Variants in TMEM53 observed in about 807,000 individuals in gnomAD.
The protein encoded by TMEM53 is transmembrane protein 53.
In TMEM53, 14 loss-of-function variants were observed where a neutral mutation model predicts 21.4. That is an observed-to-expected ratio of 0.65 (90% CI 0.43 to 1.02). The LOEUF (loss-of-function observed/expected upper bound fraction) is 1.02. Among genes scored for constraint, TMEM53 ranks in the 50% least tolerant of loss-of-function variants. TMEM53 has a pLI of 0.00. For synonymous variants in TMEM53, 148 were observed against 157.4 expected (o/e 0.94, Z 0.45); for missense variants, 323 against 383.6 (o/e 0.84, Z 1.32).
chr1:44,661,226 G>C (rs1644899277), intron 1 of TMEM53, among the ~76,000 whole-genome samples: 1 of 152,038 alleles, frequency 6.6e-6, no homozygotes, highest in South Asian at 2.1e-4. Flanking sequence ...TCCATGAGCA[G>C]ATGGAAGAAG....
In TMEM53 at chr1:44,663,593, T is replaced by A. The variant is rs1049218803; in HGVS notation, c.62-3298A>T. On this transcript the variant is annotated intron_variant, in intron 1 of 2. Transcript: ENST00000372237. ...CATTGCCACATCAGGATCATGATTC[T>A]TCCACCCTCTTGTACAAACTCCTCC... Among the ~76,000 whole-genome samples, 6 of 152,178 alleles carry A rather than the reference T, an allele frequency of 3.9e-5. No individual in the cohort carries two copies. The South Asian group carries it at 1.2e-3, about 31-fold the overall frequency.
Position 44,655,298 on chromosome 1 carries a change from G to C in TMEM53, c.184-89C>G. The C allele has an allele frequency of 7.5e-7, 1 of 1,328,648 alleles. No homozygotes were observed. The highest frequency in any genetic ancestry group is 1.0e-6 in the Non-Finnish European group (1 of 978,876). The allele number at this position is 1,328,648 out of a possible 1,614,324, so 82.3% of individuals were successfully genotyped here. ...CAGAGGGGCCCAGCAACCCCAGCCTGTAGGACATAGGCCATGGGGCCCACA... is the reference window on the plus strand; with the variant it reads ...CAGAGGGGCCCAGCAACCCCAGCCTCTAGGACATAGGCCATGGGGCCCACA... On this transcript the variant is annotated intron_variant, in intron 2 of 2. Transcript: ENST00000372237. This position sits in a 1 kb window ranked among gnomAD's most constrained non-coding sequence, Gnocchi z 4.4.
intron 2 of TMEM53, among the ~76,000 whole-genome samples, chr1:44,656,951 G>A (rs1644855392): frequency 6.6e-6 from 1 of 151,992 alleles, no homozygotes. Flanking sequence ...GGCAGAGGTT[G>A]CAGTGAGCCG....
At chr1:44,664,943 C>T (rs954882328) in intron 1 of TMEM53, among the ~76,000 whole-genome samples, 11 of 152,184 alleles carry the variant, frequency 7.2e-5, no homozygotes, top group Non-Finnish European at 1.5e-4. Flanking sequence ...TCCACCACCG[C>T]GACCTTGCAC....
In TMEM53 at chr1:44,660,257, G is replaced by A. The variant is rs142353018; in HGVS notation, c.100C>T (p.Arg34Trp). Residue 34 changes from arginine to tryptophan, a missense_variant, in exon 2 of 3, where the codon CGG becomes TGG. Arg to Trp is a moderately radical substitution (Grantham distance 101). This residue lies in a region of TMEM53 where 5 missense variants were observed against 16.2 expected (regional missense o/e 0.31). Coordinates refer to ENST00000372237, the MANE Select transcript of TMEM53 (RefSeq NM_024587.4). ...PSPGGKEAET[R>W]QPVVILLGWG... ...CCCAAGAGAATCACCACAGGCTGCC[G>A]AGTTTCTGCCTCCTTCCCACCTGGG... 55 of 1,613,896 alleles carry A rather than the reference G, an allele frequency of 3.4e-5. No individual in the cohort carries two copies. Among genetic ancestry groups the A allele is most frequent in the African/African-American group, 1.1e-4 (8 of 74,926 alleles).
intron 1 of TMEM53, among the ~76,000 whole-genome samples, chr1:44,663,549 T>C (rs1316396759): frequency 6.6e-6 from 1 of 152,256 alleles, no homozygotes; most frequent in Non-Finnish European, 1.5e-5. Context: ...CAAAAGTCAT[T>C]GCTATGGCTA....
Position 44,660,883 on chromosome 1 carries a change from G to A in TMEM53, c.62-588C>T, listed in dbSNP as rs554275095. Reference sequence around the variant, plus strand: ...AGCTACTCAGGAGGCCAAGGCAGGAGAATGGCATGAACCTGGGAGGCGGAG... The same window carrying A: ...AGCTACTCAGGAGGCCAAGGCAGGAAAATGGCATGAACCTGGGAGGCGGAG... On this transcript the variant is annotated intron_variant, in intron 1 of 2. Transcript: ENST00000372237. 1.4e-4 allele frequency among the ~76,000 whole-genome samples: 21 copies of A among 151,060 alleles called. No individual in the cohort carries two copies. In the East Asian group the frequency reaches 3.7e-3, roughly 27 times the overall value.
At chr1:44,669,473 G>C (rs1238798245) in intron 1 of TMEM53, among the ~76,000 whole-genome samples, 1 of 152,118 alleles carries the variant, frequency 6.6e-6, no homozygotes, top group Non-Finnish European at 1.5e-5. Context: ...CTGAAATCTC[G>C]GCATGCACAA....
chr1:44,654,561 A>G lies in TMEM53; in HGVS notation c.832T>C (p.Ter278ArgextTer12). The G allele has an allele frequency of 6.2e-7, 1 of 1,602,308 alleles. No homozygotes were observed. Among genetic ancestry groups the G allele is most frequent in the Non-Finnish European group, 8.5e-7 (1 of 1,170,668 alleles). ...AGAGGTGAGATGGAGCAATGGCCTC[A>G]GCAGCGGACGCAGTTGCGCATGAAG... is the stretch of plus-strand genomic sequence containing the variant. Reference protein sequence around the residue: ...VDFMRNCVRC* With the variant: ...VDFMRNCVRCR Residue 278 changes from the stop codon to arginine (R), a stop_lost, in exon 3 of 3, where the codon TGA (stop) becomes CGA (arginine). Transcript: ENST00000372237. This position sits in a 1 kb window ranked among gnomAD's most constrained non-coding sequence, Gnocchi z 7.0.
chr1:44,660,995 G>T (rs1186876867), intron 1 of TMEM53, among the ~76,000 whole-genome samples: 1 of 150,626 alleles, frequency 6.6e-6, no homozygotes, highest in African/African-American at 2.4e-5. Flanking sequence ...AAAATCAAAA[G>T]AATATTTTGT....
intron 2 of TMEM53, among the ~76,000 whole-genome samples, chr1:44,658,987 C>A (rs1345206301): frequency 1.3e-5 from 2 of 152,172 alleles, no homozygotes; most frequent in Non-Finnish European, 2.9e-5. Context: ...TATTCCTGGT[C>A]CCCCTGCCTG....
chr1:44,674,147 T>C (rs973747886), intron 1 of TMEM53, 184 bp downstream of exon 1: 15 of 984,518 alleles, frequency 1.5e-5, no homozygotes, highest in Admixed American at 6.2e-5. Context: ...AGGAACACTC[T>C]GGGGCGGGAC....
Position 44,660,314 on chromosome 1 carries a change from C to A in TMEM53, c.62-19G>T, listed in dbSNP as rs1484128363. 1.2e-6 allele frequency: 2 copies of A among 1,607,138 alleles called. No homozygotes were observed. Among genetic ancestry groups the A allele is most frequent in the South Asian group, 1.1e-5 (1 of 90,432 alleles). On this transcript the variant is annotated intron_variant, in intron 1 of 2. Transcript: ENST00000372237. Reference sequence around the variant, plus strand: ...CTGTTCTCTGAAACACAGATGTGGACTGTCAACACCAGAGCTGGGGTGGGG... The same window carrying A: ...CTGTTCTCTGAAACACAGATGTGGAATGTCAACACCAGAGCTGGGGTGGGG...
chr1:44,658,280 C>G (rs1349962700), intron 2 of TMEM53, among the ~76,000 whole-genome samples: 1 of 152,092 alleles, frequency 6.6e-6, no homozygotes, highest in African/African-American at 2.4e-5. Context: ...GTGTTCCGGT[C>G]TCAAAAAACA....
Position 44,655,054 on chromosome 1 carries a change from G to A in TMEM53, c.339C>T (p.Ser113=), listed in dbSNP as rs1573216100. Residue 113 remains serine, a synonymous_variant, in exon 3 of 3, where the codon AGC becomes AGT. Coordinates refer to ENST00000372237, the MANE Select transcript of TMEM53 (RefSeq NM_024587.4). The surrounding 1 kb of genome is among the most constrained non-coding windows in gnomAD (Gnocchi z 4.4). The part of the protein sequence containing the change: ...EKEPLLFHVF[S]NGGVMLYRYV... ...AGCGGTACAGCATGACGCCACCGTT[G>A]CTGAAGACATGGAAGAGCAGGGGCT... 6.2e-7 allele frequency: 1 copy of A among 1,614,224 alleles called. No individual in the cohort carries two copies. Among genetic ancestry groups the A allele is most frequent in the Middle Eastern group, 1.6e-4 (1 of 6,062 alleles).
chr1:44,659,213 G>A (rs1302042365), intron 2 of TMEM53, among the ~76,000 whole-genome samples: 2 of 152,226 alleles, frequency 1.3e-5, no homozygotes, highest in Non-Finnish European at 2.9e-5. Context: ...GCGGGATGTG[G>A]ACGTGGGTGA....
At position 44,661,398 on chromosome 1, in the gene TMEM53, CTTTT is replaced by C. The variant is rs533629901; in HGVS notation, c.62-1107_62-1104del. Among the ~76,000 whole-genome samples the C allele has an allele frequency of 2.0e-4, 28 of 142,552 alleles. No homozygotes were observed. In the South Asian group the frequency reaches 5.5e-3, roughly 28 times the overall value. 93.5% of individuals were successfully genotyped at this position (142,552 alleles called of 152,430 possible). On this transcript the variant is annotated intron_variant, in intron 1 of 2. Coordinates refer to ENST00000372237, the MANE Select transcript of TMEM53 (RefSeq NM_024587.4). ...GGCACCCACCACCATGTGCAGCTTT[CTTTT>C]TCTTTTTTTTTTTTTAAGAGTAAAA...
chr1:44,667,836 A>G (rs1644962758), intron 1 of TMEM53, among the ~76,000 whole-genome samples: 1 of 152,204 alleles, frequency 6.6e-6, no homozygotes, highest in Admixed American at 6.6e-5. Context: ...GAAGCCCCTC[A>G]GCAATGTGGA....
At chr1:44,668,093 T>A (rs895730893) in intron 1 of TMEM53, among the ~76,000 whole-genome samples, 4 of 152,178 alleles carry the variant, frequency 2.6e-5, no homozygotes, top group Non-Finnish European at 4.4e-5. Context: ...CAGTACAATA[T>A]GTACTTTTTT....
Sources: gnomAD v4.1 joint callset for allele counts (sites outside exome capture counted in the v4.1 genomes callset) on GRCh38, gnomAD v4.1.1 for gene constraint, gnomAD v4.1.1 regional missense constraint, Gnocchi (gnomAD v3.1) non-coding constraint, MANE v1.5 for transcripts, NCBI Gene and HGNC (gene_info 2026-07-23, HGNC 2026-07-21) for gene names.